The following SLX4IP variants were observed in gnomAD, a reference collection of about 807,000 sequenced individuals.
SLX4IP encodes the protein protein SLX4IP.
In SLX4IP, 34 loss-of-function variants were observed where a neutral mutation model predicts 32.9. That is an observed-to-expected ratio of 1.03 (90% CI 0.79 to 1.38). The LOEUF (loss-of-function observed/expected upper bound fraction) is 1.38. SLX4IP is among the 40% of genes most tolerant of loss of function. The probability of loss-of-function intolerance (pLI) is 0.00; values close to 1 mark genes in which losing one functional copy is unlikely to be tolerated. For missense variants in SLX4IP, 444 were observed against 479.0 expected, an observed-to-expected ratio of 0.93 and a Z score of 0.68; for synonymous variants, 172 against 171.7, an observed-to-expected ratio of 1.00 and a Z score of -0.01.
chr20:10,533,812 G>T (rs1056771779), intron 2 of SLX4IP, among the ~76,000 whole-genome samples: 1 of 151,706 alleles, frequency 6.6e-6, no homozygotes, highest in African/African-American at 2.4e-5. Context: ...TAGAGATGGG[G>T]CTTTGTCATG....
At chr20:10,441,718 C>T (rs1017817330) in intron 1 of SLX4IP, among the ~76,000 whole-genome samples, 49 of 134,194 alleles carry the variant, frequency 3.7e-4, no homozygotes, top group African/African-American at 1.1e-3. Flanking sequence ...TTGAATCTGA[C>T]GTGTTTGTTT....
At chr20:10,603,453 A>G (rs1213273095) in intron 6 of SLX4IP, among the ~76,000 whole-genome samples, 1 of 152,198 alleles carries the variant, frequency 6.6e-6, no homozygotes, top group Non-Finnish European at 1.5e-5. Flanking sequence ...AGCCTTTTAC[A>G]TGAGTGAGTT....
chr20:10,541,473 C>T (rs756564357), intron 2 of SLX4IP, among the ~76,000 whole-genome samples: 1 of 152,212 alleles, frequency 6.6e-6, no homozygotes, highest in African/African-American at 2.4e-5. Context: ...TCCAATGTGG[C>T]AGTGACTAGT....
chr20:10,605,045 A>G (rs2066890128), intron 6 of SLX4IP, among the ~76,000 whole-genome samples: 1 of 152,226 alleles, frequency 6.6e-6, no homozygotes, highest in Non-Finnish European at 1.5e-5. Context: ...CTTATTTACA[A>G]ACCCAAAAGC....
intron 4 of SLX4IP, among the ~76,000 whole-genome samples, chr20:10,591,841 C>A (rs545516287): frequency 6.6e-6 from 1 of 152,262 alleles, no homozygotes; most frequent in Non-Finnish European, 1.5e-5. Flanking sequence ...GATCATTTCT[C>A]AATTTGTTTT....
Position 10,465,163 on chromosome 20 carries a change from A to G in SLX4IP, c.27+6932A>G, listed in dbSNP as rs4813937. On this transcript the variant is annotated intron_variant, in intron 2 of 7. Transcript: ENST00000334534. ...TGAAAGAAGTGGTAGCAGCAGGCGCATCTCCCCAAGGCTTCATAGCAATCT... is the reference window on the plus strand; with the variant it reads ...TGAAAGAAGTGGTAGCAGCAGGCGCGTCTCCCCAAGGCTTCATAGCAATCT... 4.6e-3 allele frequency among the ~76,000 whole-genome samples: 697 copies of G among 152,026 alleles called. 7 individuals carry two copies. The highest frequency in any genetic ancestry group is 0.016 in the African/African-American group (655 of 41,446).
At chr20:10,531,718 C>T (rs922285858) in intron 2 of SLX4IP, among the ~76,000 whole-genome samples, 3 of 151,902 alleles carry the variant, frequency 2.0e-5, no homozygotes, top group African/African-American at 7.3e-5. Context: ...GGAGGTGGTT[C>T]CTGCTTAAAT....
chr20:10,471,871 G>GTGTC (rs2065427552), intron 2 of SLX4IP, among the ~76,000 whole-genome samples: 1 of 152,166 alleles, frequency 6.6e-6, no homozygotes, highest in Non-Finnish European at 1.5e-5. Context: ...TCTTCACAAG[G>GTGTC]TGTCTCATCA....
chr20:10,503,558 CA>C (rs949699325), intron 2 of SLX4IP, among the ~76,000 whole-genome samples: 2 of 152,230 alleles, frequency 1.3e-5, no homozygotes, highest in Non-Finnish European at 2.9e-5. Context: ...TCTCTGTTCA[CA>C]AATGACATGA....
chr20:10,522,319 C>G (rs1026262387), intron 2 of SLX4IP, among the ~76,000 whole-genome samples: 1 of 152,176 alleles, frequency 6.6e-6, no homozygotes, highest in African/African-American at 2.4e-5. Context: ...CTAACACTCT[C>G]AGTGACAGAA....
At chr20:10,526,009 C>T (rs1391092883) in intron 2 of SLX4IP, among the ~76,000 whole-genome samples, 1 of 152,198 alleles carries the variant, frequency 6.6e-6, no homozygotes, top group Admixed American at 6.5e-5. Context: ...CCCACTTCTC[C>T]ATGGAGTCCT....
intron 2 of SLX4IP, among the ~76,000 whole-genome samples, chr20:10,524,238 G>A (rs1307072812): frequency 7.2e-5 from 11 of 152,186 alleles, no homozygotes. Flanking sequence ...GGGATGGCTC[G>A]CAAAACTCCA....
chr20:10,446,188 T>A (rs2065201347), intron 1 of SLX4IP, among the ~76,000 whole-genome samples: 1 of 151,214 alleles, frequency 6.6e-6, no homozygotes, highest in Non-Finnish European at 1.5e-5. Context: ...CTGAGGTGGG[T>A]GGATCACAAG....
chr20:10,577,676 A>G (rs1013438971), intron 4 of SLX4IP, among the ~76,000 whole-genome samples: 1 of 152,254 alleles, frequency 6.6e-6, no homozygotes, highest in African/African-American at 2.4e-5. Context: ...ATCTATGATC[A>G]TACCACTGTA....
chr20:10,595,675 A>G (rs915233061), intron 4 of SLX4IP, among the ~76,000 whole-genome samples: 1 of 152,212 alleles, frequency 6.6e-6, no homozygotes, highest in Non-Finnish European at 1.5e-5. Flanking sequence ...GAATAAATGA[A>G]ATACATCTTT....
At chr20:10,475,488 T>C (rs1380822759) in intron 2 of SLX4IP, among the ~76,000 whole-genome samples, 1 of 152,228 alleles carries the variant, frequency 6.6e-6, no homozygotes, top group Non-Finnish European at 1.5e-5. Context: ...CAGTGTGCTA[T>C]TGAGCTGGTG....
chr20:10,574,339 A>G (rs187422420), intron 4 of SLX4IP, among the ~76,000 whole-genome samples: 4 of 152,338 alleles, frequency 2.6e-5, no homozygotes, highest in Admixed American at 2.6e-4. Context: ...ATGTAAGTAT[A>G]AACCTTATTA....
chr20:10,586,191 T>G (rs1008878397), intron 4 of SLX4IP, among the ~76,000 whole-genome samples: 2 of 152,198 alleles, frequency 1.3e-5, no homozygotes, highest in Admixed American at 1.3e-4. Flanking sequence ...CACTTGACTT[T>G]GTTAAAAGAA....
intron 2 of SLX4IP, among the ~76,000 whole-genome samples, chr20:10,468,164 G>T (rs1359717166): frequency 6.6e-6 from 1 of 152,106 alleles, no homozygotes; most frequent in South Asian, 2.1e-4. Flanking sequence ...CACACCCTGG[G>T]CTTGCCAAAT....
Sources: gnomAD v4.1 joint callset for allele counts (sites outside exome capture counted in the v4.1 genomes callset) on GRCh38, gnomAD v4.1.1 for gene constraint, MANE v1.5 for transcripts, NCBI Gene and HGNC (gene_info 2026-07-23, HGNC 2026-07-21) for gene names.